RBFOX1: variants seen among roughly 807,000 people sequenced by gnomAD.
RBFOX1 encodes RNA binding fox-1 homolog 1, also known as RNA binding protein fox-1 homolog 1.
A neutral mutation model predicts 57.7 loss-of-function variants in RBFOX1; 8 were observed. The ratio of observed to expected loss-of-function variants is 0.14; its 90% CI spans 0.08 to 0.25. RBFOX1 has a LOEUF of 0.25. RBFOX1 is among the 10% of genes least tolerant of loss of function. RBFOX1 has a pLI of 1.00. For synonymous variants in RBFOX1, 326 were observed against 222.4 expected, an observed-to-expected ratio of 1.47 and a Z score of -4.15; for missense variants, 611 against 548.5, an observed-to-expected ratio of 1.11 and a Z score of -1.14.
At chr16:7,219,329 G>A (rs1250764275) in intron 4 of RBFOX1, among the ~76,000 whole-genome samples, 2 of 152,180 alleles carry the variant, frequency 1.3e-5, no homozygotes, top group Non-Finnish European at 2.9e-5. Context: ...TGCTTTTAAT[G>A]AGCTGCAAGA....
intron 2 of RBFOX1, among the ~76,000 whole-genome samples, chr16:6,493,444 GTGTT>G: frequency 6.6e-6 from 1 of 152,278 alleles, no homozygotes; most frequent in Non-Finnish European, 1.5e-5. Flanking sequence ...CCAGCTGTGT[GTGTT>G]TGTCAGGGAC....
At chr16:6,443,992 G>A (rs1000071468) in intron 2 of RBFOX1, among the ~76,000 whole-genome samples, 1 of 151,906 alleles carries the variant, frequency 6.6e-6, no homozygotes, top group African/African-American at 2.4e-5. Context: ...TTGGTGATAG[G>A]GATATATAAA....
At chr16:7,389,601 C>T (rs1028642335) in intron 4 of RBFOX1, among the ~76,000 whole-genome samples, 5 of 152,156 alleles carry the variant, frequency 3.3e-5, no homozygotes, top group South Asian at 4.1e-4. Flanking sequence ...TAAGGCAAAA[C>T]ACTACCTAAA....
intron 1 of RBFOX1, among the ~76,000 whole-genome samples, chr16:6,272,176 T>C (rs1324333861): frequency 2.6e-5 from 4 of 152,166 alleles, no homozygotes; most frequent in Admixed American, 2.0e-4. Flanking sequence ...ACCCTACCAA[T>C]AGGCTGAAGA....
intron 1 of RBFOX1, among the ~76,000 whole-genome samples, chr16:5,332,275 T>A (rs980244071): frequency 3.3e-5 from 5 of 152,142 alleles, no homozygotes; most frequent in Non-Finnish European, 7.4e-5. Flanking sequence ...TATTTTATTT[T>A]ATTTTATGTT....
intron 7 of RBFOX1, among the ~76,000 whole-genome samples, chr16:7,595,220 C>G (rs1395048507): frequency 1.3e-5 from 2 of 151,982 alleles, no homozygotes; most frequent in Non-Finnish European, 2.9e-5. Flanking sequence ...TCATTTTATT[C>G]TCTGTGAAGA....
chr16:6,819,493 C>T (rs1035985910), intron 3 of RBFOX1, among the ~76,000 whole-genome samples: 2 of 151,910 alleles, frequency 1.3e-5, no homozygotes, highest in South Asian at 2.1e-4. Context: ...CACCTGAGGT[C>T]GGGAGTTTGA....
At chr16:7,365,373 A>T (rs2097422510) in intron 4 of RBFOX1, among the ~76,000 whole-genome samples, 1 of 152,220 alleles carries the variant, frequency 6.6e-6, no homozygotes, top group Non-Finnish European at 1.5e-5. Context: ...GTCTCAGTCC[A>T]TCCACCAAAC....
chr16:5,694,115 A>T (rs2050775373), intron 3 of RBFOX1, among the ~76,000 whole-genome samples: 1 of 152,190 alleles, frequency 6.6e-6, no homozygotes, highest in South Asian at 2.1e-4. Context: ...GCTCAGAAGT[A>T]ACCCTAATAG....
At chr16:7,236,814 C>A (rs1321594384) in intron 4 of RBFOX1, among the ~76,000 whole-genome samples, 13 of 152,114 alleles carry the variant, frequency 8.5e-5, no homozygotes, top group Non-Finnish European at 1.6e-4. Context: ...CTGGGTTTGT[C>A]AACATATCTT....
chr16:7,518,306 T>C lies in RBFOX1; in HGVS notation c.187T>C (p.Leu63=). Residue 63 remains leucine, a synonymous_variant, in exon 5 of 16, where the codon TTA becomes CTA. Coordinates refer to ENST00000550418, the MANE Select transcript of RBFOX1 (RefSeq NM_018723.4). ...CCAGACCACGGTTCCCGAGCACACA[T>C]TAAACCTGTACCCTCCCGCCCAGAC... ...TGQTTVPEHT[L]NLYPPAQTHS... The C allele has an allele frequency of 1.9e-6, 3 of 1,614,016 alleles. No individual in the cohort carries two copies. Among genetic ancestry groups the C allele is most frequent in the African/African-American group, 1.3e-5 (1 of 75,008 alleles).
intron 1 of RBFOX1, among the ~76,000 whole-genome samples, chr16:6,184,138 A>G (rs1249540008): frequency 4.6e-5 from 7 of 152,176 alleles, no homozygotes; most frequent in Admixed American, 3.3e-4. Context: ...ATTCACTACC[A>G]TGAAAACAGT....
intron 1 of RBFOX1, among the ~76,000 whole-genome samples, chr16:5,314,307 G>A (rs1256323653): frequency 2.0e-5 from 3 of 152,176 alleles, no homozygotes; most frequent in Admixed American, 1.3e-4. Context: ...TTGTTTGTTA[G>A]GGAAATGTGG....
In RBFOX1 at chr16:6,728,889, G is replaced by GAT. The variant is rs992719185; in HGVS notation, c.-16+74249_-16+74250dup. On this transcript the variant is annotated intron_variant, in intron 3 of 15. Transcript: ENST00000550418. ...AAGAACTGATGAATTTTTAGATAAT[G>GAT]ATATATATATAGTACATGTATACAT... 5.3e-5 allele frequency among the ~76,000 whole-genome samples: 8 copies of GAT among 152,036 alleles called. No individual in the cohort carries two copies. In the South Asian group the frequency reaches 8.3e-4, roughly 16 times the overall value.
intron 3 of RBFOX1, among the ~76,000 whole-genome samples, chr16:6,771,869 C>G (rs527873988): frequency 1.3e-5 from 2 of 152,236 alleles, no homozygotes; most frequent in South Asian, 2.1e-4. Context: ...CAGGCTGTGT[C>G]TTTTCCCTTC....
intron 2 of RBFOX1, among the ~76,000 whole-genome samples, chr16:6,592,892 A>T (rs999984204): frequency 1.3e-5 from 2 of 152,152 alleles, no homozygotes; most frequent in African/African-American, 4.8e-5. Flanking sequence ...GTGATTATGC[A>T]GAGAGAGTGG....
At chr16:6,362,578 A>G (rs2088775416) in intron 2 of RBFOX1, among the ~76,000 whole-genome samples, 1 of 152,218 alleles carries the variant, frequency 6.6e-6, no homozygotes, top group Non-Finnish European at 1.5e-5. Context: ...GCTTTCTGTT[A>G]CAACGTGCAA....
chr16:6,954,569 C>G (rs1051542554), intron 3 of RBFOX1, among the ~76,000 whole-genome samples: 1 of 152,230 alleles, frequency 6.6e-6, no homozygotes, highest in African/African-American at 2.4e-5. Flanking sequence ...CACCCCAATG[C>G]TATATTAATT....
chr16:7,401,943 A>C (rs1568650888), intron 4 of RBFOX1, among the ~76,000 whole-genome samples: 1 of 152,208 alleles, frequency 6.6e-6, no homozygotes, highest in Admixed American at 6.5e-5. Flanking sequence ...TCTCCAAAAG[A>C]GGAATGTCAT....
Sources: gnomAD v4.1 joint callset for allele counts (sites outside exome capture counted in the v4.1 genomes callset) on GRCh38, gnomAD v4.1.1 for gene constraint, MANE v1.5 for transcripts, NCBI Gene and HGNC (gene_info 2026-07-23, HGNC 2026-07-21) for gene names.